Variants in KCND2 observed in about 807,000 individuals in gnomAD.
KCND2 encodes A-type voltage-gated potassium channel KCND2.
A neutral mutation model predicts 54.4 loss-of-function variants in KCND2; 16 were observed. The observed-to-expected ratio is 0.29, with a 90% CI of 0.20 to 0.45. The LOEUF (loss-of-function observed/expected upper bound fraction) is 0.45, where lower values mean the gene tolerates loss of function less well. Ranked by LOEUF, KCND2 falls within the 20% of genes least tolerant of loss-of-function variation. KCND2 has a pLI of 1.00. For missense variants in KCND2, 486 were observed against 824.2 expected (o/e 0.59, Z 5.02); for synonymous variants, 317 against 310.7 (o/e 1.02, Z -0.21).
intron 1 of KCND2, among the ~76,000 whole-genome samples, chr7:120,393,612 G>A (rs1241541823): frequency 6.6e-6 from 1 of 151,896 alleles, no homozygotes; most frequent in Non-Finnish European, 1.5e-5. Flanking sequence ...TCCTGTGCTA[G>A]CTGATTATGG....
rs557212295 is a variant in KCND2 at position 120,654,726 on chromosome 7, T to TCAGTAAAGTGCTA, written c.1116-78165_1116-78153dup. ...ATGTACTGATACAATGCCAAGCAAA[T>TCAGTAAAGTGCTA]CAGTAAAGTGCTACAGTAAAGTGCA... On this transcript the variant is annotated intron_variant, in intron 1 of 5. Transcript: ENST00000331113. Among the ~76,000 whole-genome samples, 24 of 152,106 alleles carry TCAGTAAAGTGCTA rather than the reference T, an allele frequency of 1.6e-4. No individual in the cohort carries two copies. In the South Asian group the frequency reaches 5.0e-3, roughly 32 times the overall value.
At chr7:120,365,763 G>A (rs1045280870) in intron 1 of KCND2, among the ~76,000 whole-genome samples, 2 of 152,046 alleles carry the variant, frequency 1.3e-5, no homozygotes, top group Admixed American at 1.3e-4. Context: ...TGAGATTTTC[G>A]AGCAAAATGT....
intron 1 of KCND2, among the ~76,000 whole-genome samples, chr7:120,730,545 C>T (rs1031224230): frequency 6.6e-6 from 1 of 152,114 alleles, no homozygotes; most frequent in African/African-American, 2.4e-5. Flanking sequence ...AGAAGGAGAT[C>T]GTGTTTTATA....
intron 1 of KCND2, among the ~76,000 whole-genome samples, chr7:120,353,880 A>G (rs909762861): frequency 1.3e-5 from 2 of 152,234 alleles, no homozygotes; most frequent in Admixed American, 6.5e-5. Context: ...AAACTGTTCT[A>G]TTCTTCATCT....
At chr7:120,714,401 G>A (rs1792577653) in intron 1 of KCND2, among the ~76,000 whole-genome samples, 2 of 152,040 alleles carry the variant, frequency 1.3e-5, no homozygotes, top group Non-Finnish European at 1.5e-5. Flanking sequence ...CATATAAAAA[G>A]CATTCAACTA....
chr7:120,342,725 TTAGAG>T (rs1440648500), intron 1 of KCND2, among the ~76,000 whole-genome samples: 1 of 152,150 alleles, frequency 6.6e-6, no homozygotes, highest in Admixed American at 6.6e-5. Flanking sequence ...AAATGATTAT[TTAGAG>T]TATTTTATGA....
chr7:120,610,900 C>G (rs1792945792), intron 1 of KCND2, among the ~76,000 whole-genome samples: 1 of 152,110 alleles, frequency 6.6e-6, no homozygotes, highest in Non-Finnish European at 1.5e-5. Context: ...ACAGCCTGTC[C>G]TTTTGTTCTC....
chr7:120,612,994 T>C (rs1242470926), intron 1 of KCND2, among the ~76,000 whole-genome samples: 1 of 151,984 alleles, frequency 6.6e-6, no homozygotes, highest in Non-Finnish European at 1.5e-5. Flanking sequence ...GAATAGTATG[T>C]GTATGAATTC....
chr7:120,303,935 C>A (rs1799617426), intron 1 of KCND2, among the ~76,000 whole-genome samples: 2 of 152,206 alleles, frequency 1.3e-5, no homozygotes, highest in Middle Eastern at 3.4e-3. Context: ...AGCCACGTGA[C>A]CAGCATAGAG....
chr7:120,400,950 A>G (rs1801243161), intron 1 of KCND2, among the ~76,000 whole-genome samples: 1 of 150,418 alleles, frequency 6.6e-6, no homozygotes, highest in South Asian at 2.1e-4. Context: ...TGAGCACTGC[A>G]TGTACTATTA....
At chr7:120,307,666 C>T (rs1799667716) in intron 1 of KCND2, among the ~76,000 whole-genome samples, 1 of 152,078 alleles carries the variant, frequency 6.6e-6, no homozygotes, top group Admixed American at 6.6e-5. Context: ...GCATGCATTA[C>T]TCATGTTGCA....
At chr7:120,570,379 T>C (rs1196506586) in intron 1 of KCND2, among the ~76,000 whole-genome samples, 1 of 150,574 alleles carries the variant, frequency 6.6e-6, no homozygotes, top group Non-Finnish European at 1.5e-5. Flanking sequence ...ATCCACGTAA[T>C]ACAACTGCAC....
intron 5 of KCND2, among the ~76,000 whole-genome samples, chr7:120,746,507 A>G (rs1338875869): frequency 6.6e-6 from 1 of 152,188 alleles, no homozygotes; most frequent in African/African-American, 2.4e-5. Flanking sequence ...CTATCAATAT[A>G]TAATTTTGAT....
In KCND2 at chr7:120,732,895, T is replaced by C. The variant is rs1162564000; in HGVS notation, c.1116-8T>C. On this transcript the variant is annotated splice_region_variant and splice_polypyrimidine_tract_variant and intron_variant, in intron 1 of 5. Coordinates refer to ENST00000331113, the MANE Select transcript of KCND2 (RefSeq NM_012281.3). ...AAACAATATATATATATTTTTTCTT[T>C]AACTCAGGTATGGTGACATGGTGCC... 6.2e-7 allele frequency: 1 copy of C among 1,610,848 alleles called. No homozygotes were observed. The highest frequency in any genetic ancestry group is 1.3e-5 in the African/African-American group (1 of 74,818).
chr7:120,436,308 C>A (rs533295125), intron 1 of KCND2, among the ~76,000 whole-genome samples: 1 of 151,758 alleles, frequency 6.6e-6, no homozygotes. Flanking sequence ...AAAGATAATC[C>A]GTAAATAAAA....
chr7:120,562,434 A>G (rs1335210938), intron 1 of KCND2, among the ~76,000 whole-genome samples: 2 of 152,216 alleles, frequency 1.3e-5, no homozygotes, highest in African/African-American at 4.8e-5. Flanking sequence ...CCAGCAAAAG[A>G]GTAAAAAGCT....
intron 1 of KCND2, among the ~76,000 whole-genome samples, chr7:120,299,848 G>A (rs1185718845): frequency 1.3e-5 from 2 of 152,192 alleles, no homozygotes; most frequent in Admixed American, 6.5e-5. Context: ...TACTTGCAAA[G>A]TGGCTGATCC....
At chr7:120,694,486 C>G (rs1402091230) in intron 1 of KCND2, among the ~76,000 whole-genome samples, 2 of 152,174 alleles carry the variant, frequency 1.3e-5, no homozygotes, top group East Asian at 3.8e-4. Context: ...GGACCGGCAT[C>G]TCTTCCTATG....
chr7:120,629,355 T>G (rs903714185), intron 1 of KCND2, among the ~76,000 whole-genome samples: 6 of 152,180 alleles, frequency 3.9e-5, no homozygotes, highest in African/African-American at 1.2e-4. Context: ...GCGTGGTGGC[T>G]GACGCCTGTA....
Sources: gnomAD v4.1 joint callset for allele counts (sites outside exome capture counted in the v4.1 genomes callset) on GRCh38, gnomAD v4.1.1 for gene constraint, MANE v1.5 for transcripts, NCBI Gene and HGNC (gene_info 2026-07-23, HGNC 2026-07-21) for gene names.